EXOC6B: variants seen among roughly 807,000 people sequenced by gnomAD.
The protein encoded by EXOC6B is SEC15 homolog B.
EXOC6B carries 54 observed loss-of-function variants against 113.5 expected under a neutral mutation model. The ratio of observed to expected loss-of-function variants is 0.48; its 90% CI spans 0.38 to 0.60. EXOC6B has a LOEUF of 0.60. Ranked by LOEUF, EXOC6B falls within the 20% of genes least tolerant of loss-of-function variation. The probability of loss-of-function intolerance (pLI) is 0.00; values close to 1 mark genes in which losing one functional copy is unlikely to be tolerated. For missense variants in EXOC6B, 797 were observed against 977.5 expected (o/e 0.82, Z 2.46); for synonymous variants, 357 against 339.0 (o/e 1.05, Z -0.58).
At chr2:72,646,495 C>CA (rs1211567723) in intron 6 of EXOC6B, among the ~76,000 whole-genome samples, 2 of 151,954 alleles carry the variant, frequency 1.3e-5, no homozygotes, top group African/African-American at 2.4e-5. Flanking sequence ...AGAGACACAA[C>CA]AAAAAAAGAG....
intron 6 of EXOC6B, among the ~76,000 whole-genome samples, chr2:72,644,438 C>T (rs1301371073): frequency 6.6e-6 from 1 of 152,106 alleles, no homozygotes; most frequent in African/African-American, 2.4e-5. Flanking sequence ...ATACAGAGAA[C>T]ACCACAAAGA....
chr2:72,252,864 T>C (rs895464643), intron 20 of EXOC6B, among the ~76,000 whole-genome samples: 2 of 152,098 alleles, frequency 1.3e-5, no homozygotes, highest in East Asian at 3.9e-4. Context: ...CCTTAATCTA[T>C]AATAACAGTT....
At chr2:72,275,195 T>A (rs1684740936) in intron 20 of EXOC6B, among the ~76,000 whole-genome samples, 1 of 152,098 alleles carries the variant, frequency 6.6e-6, no homozygotes, top group South Asian at 2.1e-4. Flanking sequence ...CAAGATAGAG[T>A]TAAAGTTTAT....
intron 6 of EXOC6B, among the ~76,000 whole-genome samples, chr2:72,584,581 C>G (rs991965443): frequency 2.0e-5 from 3 of 152,160 alleles, no homozygotes; most frequent in African/African-American, 7.2e-5. Context: ...TTCAGTACCC[C>G]ACTGGTAACA....
intron 20 of EXOC6B, among the ~76,000 whole-genome samples, chr2:72,212,638 C>A (rs144846947): frequency 3.0e-4 from 46 of 152,274 alleles, no homozygotes; most frequent in African/African-American, 9.9e-4. Context: ...GGTTTTTCCT[C>A]ACAACTTCTA....
chr2:72,415,254 T>A (rs1293528756), intron 18 of EXOC6B, among the ~76,000 whole-genome samples: 1 of 151,986 alleles, frequency 6.6e-6, no homozygotes, highest in Non-Finnish European at 1.5e-5. Context: ...TACGTCAGTC[T>A]CTCAAATACT....
chr2:72,236,927 A>T (rs991843875), intron 20 of EXOC6B, among the ~76,000 whole-genome samples: 2 of 152,166 alleles, frequency 1.3e-5, no homozygotes, highest in African/African-American at 4.8e-5. Flanking sequence ...ACAGCAGAGT[A>T]GTAGTCCTGT....
intron 11 of EXOC6B, among the ~76,000 whole-genome samples, chr2:72,501,661 ATATCCTT>A (rs1195938361): frequency 6.6e-6 from 1 of 151,246 alleles, no homozygotes; most frequent in African/African-American, 2.4e-5. Context: ...TTAATAAATT[ATATCCTT>A]TTTGCCCATT....
Position 72,708,789 on chromosome 2 carries a change from C to T in EXOC6B, c.669+9314G>A, listed in dbSNP as rs377064866. ...CTGTCACCCAGGCTGGACTACACTGCTGCAATCACAGCTCACTGCAGCCTC... is the reference window on the plus strand; with the variant it reads ...CTGTCACCCAGGCTGGACTACACTGTTGCAATCACAGCTCACTGCAGCCTC... On this transcript the variant is annotated intron_variant, in intron 6 of 21. Transcript: ENST00000272427. Among the ~76,000 whole-genome samples the T allele has an allele frequency of 1.4e-4, 22 of 152,110 alleles. 2 individuals are homozygous for T. Among genetic ancestry groups the T allele is most frequent in the African/African-American group, 4.6e-4 (19 of 41,530 alleles).
At chr2:72,201,291 T>A (rs1679476317) in intron 20 of EXOC6B, among the ~76,000 whole-genome samples, 1 of 152,190 alleles carries the variant, frequency 6.6e-6, no homozygotes, top group Admixed American at 6.5e-5. Context: ...TCATCAATTT[T>A]TTCATGATGG....
intron 5 of EXOC6B, among the ~76,000 whole-genome samples, chr2:72,721,186 G>A (rs763895318): frequency 4.0e-5 from 6 of 151,418 alleles, no homozygotes; most frequent in East Asian, 1.9e-4. Flanking sequence ...AAAATTAGTC[G>A]GGCATGTTGG....
chr2:72,458,395 AC>A (rs1697384387), intron 18 of EXOC6B, among the ~76,000 whole-genome samples: 1 of 152,136 alleles, frequency 6.6e-6, no homozygotes, highest in African/African-American at 2.4e-5. Context: ...TTTTGTGGAA[AC>A]CCAGATGGGG....
At chr2:72,601,848 A>G (rs1253631588) in intron 6 of EXOC6B, among the ~76,000 whole-genome samples, 1 of 152,210 alleles carries the variant, frequency 6.6e-6, no homozygotes, top group Non-Finnish European at 1.5e-5. Flanking sequence ...AAATAAAATG[A>G]TATACACCAT....
At chr2:72,440,926 A>G (rs1696160630) in intron 18 of EXOC6B, among the ~76,000 whole-genome samples, 1 of 152,200 alleles carries the variant, frequency 6.6e-6, no homozygotes, top group South Asian at 2.1e-4. Context: ...GATTAAAAAA[A>G]AAAGACAAAG....
chr2:72,774,253 G>A (rs376505162), intron 1 of EXOC6B, among the ~76,000 whole-genome samples: 1 of 152,196 alleles, frequency 6.6e-6, no homozygotes, highest in Non-Finnish European at 1.5e-5. Flanking sequence ...ATATGAACTG[G>A]TAGCAACAGA....
intron 5 of EXOC6B, among the ~76,000 whole-genome samples, chr2:72,718,987 A>G (rs1042007997): frequency 3.9e-5 from 6 of 152,272 alleles, no homozygotes; most frequent in African/African-American, 1.4e-4. Context: ...CAAAGAAAAC[A>G]AATGTAAACT....
intron 6 of EXOC6B, among the ~76,000 whole-genome samples, chr2:72,641,237 G>A (rs182231586): frequency 6.6e-6 from 1 of 152,214 alleles, no homozygotes; most frequent in Non-Finnish European, 1.5e-5. Flanking sequence ...AGCTCAGAGA[G>A]GGCGAGCTGA....
At chr2:72,775,021 A>G (rs1296308268) in intron 1 of EXOC6B, among the ~76,000 whole-genome samples, 1 of 152,180 alleles carries the variant, frequency 6.6e-6, no homozygotes, top group Non-Finnish European at 1.5e-5. Context: ...CAAATGGAAG[A>G]GGTGCATAGG....
chr2:72,539,801 T>TTTA (rs1702495889), intron 8 of EXOC6B, among the ~76,000 whole-genome samples: 1 of 152,160 alleles, frequency 6.6e-6, no homozygotes, highest in Admixed American at 6.5e-5. Context: ...ATATAATTTT[T>TTTA]TTATTATTAT....
Sources: gnomAD v4.1 joint callset for allele counts (sites outside exome capture counted in the v4.1 genomes callset) on GRCh38, gnomAD v4.1.1 for gene constraint, MANE v1.5 for transcripts, NCBI Gene and HGNC (gene_info 2026-07-23, HGNC 2026-07-21) for gene names.